UBE2C: variants seen among roughly 807,000 people sequenced by gnomAD.
UBE2C encodes ubiquitin-conjugating enzyme E2 C.
In UBE2C, 16 loss-of-function variants were observed where a neutral mutation model predicts 23.5. That is an observed-to-expected ratio of 0.68 (90% confidence interval 0.46 to 1.03). The LOEUF is 1.03. Ranked by LOEUF, UBE2C falls within the 50% of genes least tolerant of loss-of-function variation. The pLI, the probability that UBE2C is intolerant of heterozygous loss-of-function variation, is 0.00. For missense variants in UBE2C, 192 were observed against 227.6 expected (o/e 0.84, Z 1.01); for synonymous variants, 76 against 91.6 (o/e 0.83, Z 0.97).
chr20:45,815,796 G>T (rs754624610), intron 4 of UBE2C, 51 bp downstream of exon 4: 1 of 1,613,184 alleles, frequency 6.2e-7, no homozygotes, highest in Admixed American at 1.7e-5. Flanking sequence ...AACCTGTCAG[G>T]ACTCCCTGGG....
Position 45,812,693 on chromosome 20 carries a change from C to G in UBE2C, c.-3C>G. 2 of 1,551,096 alleles carry G rather than the reference C, an allele frequency of 1.3e-6. No individual in the cohort carries two copies. The highest frequency in any genetic ancestry group is 1.2e-5 in the South Asian group (1 of 84,084). The stretch of plus-strand genomic sequence containing the variant: ...TTCCTGTCTCTCTGCCAACGCCGCC[C>G]GGATGGCTTCCCAAAACCGCGACCC... On this transcript the variant is annotated 5_prime_UTR_variant, in exon 1 of 6. Coordinates refer to ENST00000356455, the MANE Select transcript of UBE2C (RefSeq NM_007019.4).
chr20:45,812,842 C>G, intron 1 of UBE2C, 46 bp downstream of exon 1: 1 of 1,518,616 alleles, frequency 6.6e-7, no homozygotes, highest in Non-Finnish European at 8.8e-7. Context: ...ATGCCCTAGG[C>G]ATTGGTACCC....
At position 45,814,271 on chromosome 20, in the gene UBE2C, C is replaced by CATATATATATATAT. The variant is rs3080107; in HGVS notation, c.130-97_130-84dup. On this transcript the variant is annotated intron_variant, in intron 2 of 5. Coordinates refer to ENST00000356455, the MANE Select transcript of UBE2C (RefSeq NM_007019.4). ...ATATATGTGTGTGTGTGTATGTGAGCATATATATATATATATATATATATA... is the reference window on the plus strand; with the variant it reads ...ATATATGTGTGTGTGTGTATGTGAGCATATATATATATATATATATATATATATATATATATATA... The CATATATATATATAT allele has an allele frequency of 1.3e-3, 525 of 391,380 alleles. 8 individuals carry two copies. Among genetic ancestry groups the CATATATATATATAT allele is most frequent in the African/African-American group, 3.8e-3 (151 of 39,800 alleles). 24.2% of individuals were successfully genotyped at this position (391,380 alleles called of 1,614,324 possible). A position where few individuals can be genotyped will look rare whatever the true frequency, so the allele number is the denominator to read the frequency against.
chr20:45,814,146 C>CTCTCTCTATATA (rs1158772080), intron 2 of UBE2C, among the ~76,000 whole-genome samples: 256 of 133,928 alleles, frequency 1.9e-3, no homozygotes, highest in African/African-American at 6.4e-3. Flanking sequence ...CTCTCTCTCT[C>CTCTCTCTATATA]TATATATATA....
At chr20:45,815,454 A>G (rs1252299807) in intron 3 of UBE2C, 87 bp from the exon 4 acceptor site, 1 of 1,614,054 alleles carries the variant, frequency 6.2e-7, no homozygotes, top group African/African-American at 1.3e-5. Flanking sequence ...GAAACTCAAG[A>G]TTCTAGCAAG....
chr20:45,814,059 C>T (rs1234380238), intron 2 of UBE2C, among the ~76,000 whole-genome samples: 2 of 151,552 alleles, frequency 1.3e-5, no homozygotes, highest in African/African-American at 4.9e-5. Flanking sequence ...GAGCCGAGCG[C>T]ACCACTGCAC....
At chr20:45,814,125 T>C (rs917573466) in intron 2 of UBE2C, among the ~76,000 whole-genome samples, 1 of 93,762 alleles carries the variant, frequency 1.1e-5, no homozygotes, top group East Asian at 2.4e-4. Flanking sequence ...TCTCTCTCTC[T>C]CAATCTCTCT....
Position 45,815,612 on chromosome 20 carries a change from GA to G in UBE2C, c.290del (p.Lys97SerfsTer22). 6.2e-7 allele frequency: 1 copy of G among 1,614,122 alleles called. No homozygotes were observed. The highest frequency in any genetic ancestry group is 8.5e-7 in the Non-Finnish European group (1 of 1,180,030). ...GCTACCCTTACAATGCGCCCACAGTGAAGTTCCTCACGCCCTGCTATCACCC... is the reference window on the plus strand; with the variant it reads ...GCTACCCTTACAATGCGCCCACAGTGAGTTCCTCACGCCCTGCTATCACCC... ...SGYPYNAPTVKFLTPCYHPNV... is the reference protein window; with the variant it reads ...SGYPYNAPTVXFLTPCYHPNV... On this transcript the variant is annotated frameshift_variant, in exon 4 of 6. Transcript: ENST00000356455. LOFTEE classifies it high-confidence loss of function.
intron 1 of UBE2C, 179 bp downstream of exon 1, chr20:45,812,975 G>A: frequency 7.0e-7 from 1 of 1,432,350 alleles, no homozygotes; most frequent in Non-Finnish European, 9.1e-7. Context: ...GTCGAGGGCG[G>A]AGACTTCCGG....
chr20:45,815,380 T>C (rs760491592), intron 3 of UBE2C, 161 bp from the exon 4 acceptor site: 1 of 1,577,744 alleles, frequency 6.3e-7, no homozygotes, highest in Non-Finnish European at 8.6e-7. Context: ...TAAAAAAACT[T>C]TTTAAAAAGG....
rs919572544 is a variant in UBE2C at position 45,814,886 on chromosome 20, C to A, written c.216+416C>A. On this transcript the variant is annotated intron_variant, in intron 3 of 5. Coordinates refer to ENST00000356455, the MANE Select transcript of UBE2C (RefSeq NM_007019.4). ...TCGCTCTGTCGCCCAGGCCAGACTG[C>A]GGACTGCAGTGGCGCAATCTCGGCT... Among the ~76,000 whole-genome samples, 4 of 149,698 alleles carry A rather than the reference C, an allele frequency of 2.7e-5. No homozygotes were observed. The South Asian group carries it at 8.4e-4, about 32-fold the overall frequency.
chr20:45,814,675 G>C lies in UBE2C; in HGVS notation c.216+205G>C, dbSNP rs73308413. 9.0e-3 allele frequency among the ~76,000 whole-genome samples: 1,363 copies of C among 152,280 alleles called. 19 individuals are homozygous for C. The highest frequency in any genetic ancestry group is 0.031 in the African/African-American group (1,308 of 41,538). On this transcript the variant is annotated intron_variant, in intron 3 of 5. Transcript: ENST00000356455. ...GGCTGCCTATCTTAGATGTTTACAT[G>C]GGGGGACAGACAGCAAGGAAATGGA...
chr20:45,813,690 C>T (rs142737529), intron 2 of UBE2C, among the ~76,000 whole-genome samples: 1 of 152,296 alleles, frequency 6.6e-6, no homozygotes, highest in East Asian at 1.9e-4. Flanking sequence ...ACAAGACCCT[C>T]CCTATCCAGT....
Position 45,815,881 on chromosome 20 carries a change from C to A in UBE2C, c.449C>A (p.Thr150Lys), listed in dbSNP as rs1272519354. Residue 150 changes from threonine (T) to lysine (K), a missense_variant, in exon 5 of 6, where the codon ACA (threonine) becomes AAA (lysine). Physicochemically the swap from Thr to Lys is moderately conservative, Grantham distance 78 (BLOSUM62 -1). Transcript: ENST00000356455. ...GEPNIDSPLN[T>K]HAAELWKNPT... Reference sequence around the variant, plus strand: ...CCCAACATTGATAGTCCCTTGAACACACATGCTGCCGAGCTCTGGAAAAAC... The same window carrying A: ...CCCAACATTGATAGTCCCTTGAACAAACATGCTGCCGAGCTCTGGAAAAAC... The A allele has an allele frequency of 1.2e-6, 2 of 1,614,084 alleles. No homozygotes were observed. The highest frequency in any genetic ancestry group is 1.7e-6 in the Non-Finnish European group (2 of 1,180,028).
In UBE2C at chr20:45,815,632, A is replaced by T. The variant is rs932190109; in HGVS notation, c.308A>T (p.Tyr103Phe). The change falls in exon 4 of 6, where the codon TAT becomes TTT. Residue 103 changes from tyrosine to phenylalanine, a missense_variant. Coordinates refer to ENST00000356455, the MANE Select transcript of UBE2C (RefSeq NM_007019.4). ...APTVKFLTPC[Y>F]HPNVDTQGNI... is the part of the protein sequence containing the mutation. The stretch of plus-strand genomic sequence containing the variant: ...ACAGTGAAGTTCCTCACGCCCTGCT[A>T]TCACCCCAACGTGGACACCCAGGGT... The T allele has an allele frequency of 6.2e-7, 1 of 1,613,876 alleles. No individual in the cohort carries two copies. The highest frequency in any genetic ancestry group is 1.3e-5 in the African/African-American group (1 of 74,904).
intron 3 of UBE2C, among the ~76,000 whole-genome samples, chr20:45,814,814 C>T (rs544705683): frequency 2.0e-5 from 3 of 151,896 alleles, no homozygotes; most frequent in Admixed American, 6.6e-5. Flanking sequence ...CTAATTTTTA[C>T]GTATTAGCAA....
rs770260108 is a variant in UBE2C at position 45,816,685 on chromosome 20, T to C, written c.482-24T>C. 12 of 1,609,286 alleles carry C rather than the reference T, an allele frequency of 7.5e-6. No individual in the cohort carries two copies. The East Asian group carries it at 2.5e-4, about 33-fold the overall frequency. ...AACTCATCCTGTCTCCATCACTCAC[T>C]GAGACCTGCCTGTTCTCTTCCAGCT... On this transcript the variant is annotated intron_variant, in intron 5 of 5. Coordinates refer to ENST00000356455, the MANE Select transcript of UBE2C (RefSeq NM_007019.4).
At chr20:45,814,620 T>C in intron 3 of UBE2C, 150 bp downstream of exon 3, 2 of 549,374 alleles carry the variant, frequency 3.6e-6, no homozygotes, top group Non-Finnish European at 3.1e-6. Context: ...GTTCTTTCCC[T>C]CTGTGCAATA....
chr20:45,816,856 A>G lies in UBE2C; in HGVS notation c.*89A>G. 1 of 1,122,416 alleles carries G rather than the reference A, an allele frequency of 8.9e-7. No individual in the cohort carries two copies. Among genetic ancestry groups the G allele is most frequent in the South Asian group, 1.5e-5 (1 of 67,968 alleles). 69.5% of individuals were successfully genotyped at this position (1,122,416 alleles called of 1,614,324 possible). ...TTGTGATTTCTGTATAGGACTCTTT[A>G]TCTTGAGCTGTGGTATTTTTGTTTT... On this transcript the variant is annotated 3_prime_UTR_variant, in exon 6 of 6. Transcript: ENST00000356455.
Sources: allele counts gnomAD v4.1 joint callset (sites outside exome capture counted in the v4.1 genomes callset), GRCh38; gene constraint gnomAD v4.1.1; transcripts MANE v1.5; gene names NCBI Gene and HGNC (gene_info 2026-07-23, HGNC 2026-07-21).